ARNT2: variants seen among roughly 807,000 people sequenced by gnomAD.
ARNT2 encodes the protein aryl hydrocarbon receptor nuclear translocator 2, also known as ARNT protein 2.
Under a neutral mutation model 91.7 loss-of-function variants are expected in ARNT2, and 36 were observed. The observed-to-expected ratio is 0.39, with a 90% CI of 0.30 to 0.52. The LOEUF (loss-of-function observed/expected upper bound fraction) is 0.52. ARNT2 is among the 20% of genes least tolerant of loss of function. The pLI, the probability that ARNT2 is intolerant of heterozygous loss-of-function variation, is 0.72. For missense variants in ARNT2, 775 were observed against 939.3 expected (o/e 0.83, Z 2.29); for synonymous variants, 365 against 347.1 (o/e 1.05, Z -0.57).
intron 1 of ARNT2, among the ~76,000 whole-genome samples, chr15:80,412,543 G>A (rs1027115596): frequency 6.6e-6 from 1 of 152,010 alleles, no homozygotes; most frequent in African/African-American, 2.4e-5. Context: ...ATTATTTCGA[G>A]CATATTGCTT....
Position 80,595,024 on chromosome 15 carries a change from C to T in ARNT2, c.*1326C>T, listed in dbSNP as rs1222747136. ...ACTCTAGAATCTTCTGCCTGGCTGA[C>T]CTCTGAGCCCATGATCCCTGGCTTG... On this transcript the variant is annotated 3_prime_UTR_variant, in exon 19 of 19. Coordinates refer to ENST00000303329, the MANE Select transcript of ARNT2 (RefSeq NM_014862.4). 1 of 152,256 alleles carries T rather than the reference C, an allele frequency of 6.6e-6. No individual in the cohort carries two copies. Among genetic ancestry groups the T allele is most frequent in the East Asian group, 1.9e-4 (1 of 5,186 alleles). The allele number at this position is 152,256 out of a possible 1,614,324, so 9.4% of individuals were successfully genotyped here. A position where few individuals can be genotyped will look rare whatever the true frequency, so the allele number is the denominator to read the frequency against.
intron 1 of ARNT2, among the ~76,000 whole-genome samples, chr15:80,439,863 G>A (rs1331003252): frequency 6.6e-6 from 1 of 152,214 alleles, no homozygotes. Flanking sequence ...AGGCCAACAA[G>A]TTGTGTCTCA....
At chr15:80,574,811 C>T (rs940220967) in intron 13 of ARNT2, among the ~76,000 whole-genome samples, 176 bp from the exon 14 acceptor site, 2 of 152,192 alleles carry the variant, frequency 1.3e-5, no homozygotes, top group Non-Finnish European at 2.9e-5. Flanking sequence ...CCCTCACCGG[C>T]TTTTCTTGGC....
At position 80,555,106 on chromosome 15, in the gene ARNT2, G is replaced by A. The variant is rs1898155492; in HGVS notation, c.1131G>A (p.Glu377=). The change falls in exon 11 of 19, where the codon GAG becomes GAA. Residue 377 remains glutamate, a synonymous_variant. Coordinates refer to ENST00000303329, the MANE Select transcript of ARNT2 (RefSeq NM_014862.4). ...GKDILEFCHP[E]DQSHLRESFQ... is the part of the protein sequence containing the mutation. The stretch of plus-strand genomic sequence containing the variant: ...ACATTTTGGAATTCTGCCACCCTGA[G>A]GATCAAAGCCATCTGCGTGAGAGCT... 6.2e-7 allele frequency: 1 copy of A among 1,614,100 alleles called. No individual in the cohort carries two copies. Among genetic ancestry groups the A allele is most frequent in the African/African-American group, 1.3e-5 (1 of 74,940 alleles).
In ARNT2 at chr15:80,593,851, G is replaced by A. The variant is rs1187194704; in HGVS notation, c.*153G>A. ...GCTGTGTGTCCCCAGGCGCATCATT[G>A]CTCCACTCTCCCCTGCAGCCGCGGC... On this transcript the variant is annotated 3_prime_UTR_variant, in exon 19 of 19. Coordinates refer to ENST00000303329, the MANE Select transcript of ARNT2 (RefSeq NM_014862.4). 3 of 656,762 alleles carry A rather than the reference G, an allele frequency of 4.6e-6. No homozygotes were observed. Among genetic ancestry groups the A allele is most frequent in the Non-Finnish European group, 7.9e-6 (3 of 381,428 alleles). The allele number at this position is 656,762 out of a possible 1,614,324, so 40.7% of individuals were successfully genotyped here. A position where few individuals can be genotyped will look rare whatever the true frequency, so the allele number is the denominator to read the frequency against.
intron 1 of ARNT2, among the ~76,000 whole-genome samples, chr15:80,405,857 T>G (rs1039905864): frequency 3.3e-5 from 5 of 151,454 alleles, no homozygotes; most frequent in African/African-American, 1.2e-4. Flanking sequence ...TCTGCACACT[T>G]CCTAAGAACC....
chr15:80,466,843 A>C (rs541175176), intron 3 of ARNT2, among the ~76,000 whole-genome samples: 1 of 152,370 alleles, frequency 6.6e-6, no homozygotes, highest in East Asian at 1.9e-4. Flanking sequence ...CAATAAATAC[A>C]ATCAGTTTTT....
intron 11 of ARNT2, chr15:80,556,421 A>G (rs1482037702): frequency 2.0e-5 from 3 of 152,424 alleles, no homozygotes; most frequent in African/African-American, 7.2e-5. Flanking sequence ...AAATAACTGG[A>G]AACAAAGACA....
At chr15:80,574,762 C>G (rs1162077903) in intron 13 of ARNT2, among the ~76,000 whole-genome samples, 2 of 152,190 alleles carry the variant, frequency 1.3e-5, no homozygotes, top group Non-Finnish European at 2.9e-5. Context: ...TGTGACTCTG[C>G]TGTCCTTCCT....
intron 8 of ARNT2, among the ~76,000 whole-genome samples, chr15:80,523,008 T>C (rs1437143831): frequency 6.6e-6 from 1 of 152,024 alleles, no homozygotes; most frequent in Admixed American, 6.6e-5. Flanking sequence ...TTGACAGTGT[T>C]CTAGAATTTC....
intron 1 of ARNT2, among the ~76,000 whole-genome samples, chr15:80,437,615 CT>C (rs1896109029): frequency 6.6e-6 from 1 of 152,208 alleles, no homozygotes; most frequent in African/African-American, 2.4e-5. Context: ...CCTTTTCCCC[CT>C]TTCATCACCT....
chr15:80,460,730 G>C (rs1164850948), intron 3 of ARNT2, among the ~76,000 whole-genome samples: 1 of 152,238 alleles, frequency 6.6e-6, no homozygotes, highest in Non-Finnish European at 1.5e-5. Flanking sequence ...AGATGCGTGA[G>C]AACAACTCTT....
chr15:80,434,463 C>T (rs2141571952), intron 1 of ARNT2: 1 of 152,372 alleles, frequency 6.6e-6, no homozygotes, highest in South Asian at 2.1e-4. Flanking sequence ...CATATTACAC[C>T]TAGAAACTTG....
rs79685127 is a variant in ARNT2 at position 80,470,202 on chromosome 15, C to T, written c.195-16C>T. 3.4e-3 allele frequency: 5,494 copies of T among 1,610,554 alleles called. 120 individuals are homozygous for T. In the East Asian group the frequency reaches 0.045, roughly 13 times the overall value. ...CTCTTTTTTCCCCCTCTCCTGATCT[C>T]GTGCTTTCTGGAAAGAGAGAATCAT... On this transcript the variant is annotated splice_polypyrimidine_tract_variant and intron_variant, in intron 3 of 18. Transcript: ENST00000303329.
At chr15:80,551,937 C>T (rs1192938926) in intron 9 of ARNT2, among the ~76,000 whole-genome samples, 1 of 152,194 alleles carries the variant, frequency 6.6e-6, no homozygotes, top group Non-Finnish European at 1.5e-5. Context: ...TCCCCGCAAG[C>T]TCCTCAAGGC....
chr15:80,416,828 A>G (rs1017806207), intron 1 of ARNT2, among the ~76,000 whole-genome samples: 18 of 152,212 alleles, frequency 1.2e-4, no homozygotes, highest in African/African-American at 4.1e-4. Flanking sequence ...ACTTTTAACA[A>G]TCATTTAAAA....
chr15:80,537,076 A>C (rs986676831), intron 8 of ARNT2, among the ~76,000 whole-genome samples: 4 of 151,812 alleles, frequency 2.6e-5, no homozygotes, highest in Non-Finnish European at 5.9e-5. Flanking sequence ...AGCCCAGAGC[A>C]CTCTTTTCGC....
chr15:80,573,048 G>A (rs1001835450), intron 12 of ARNT2, among the ~76,000 whole-genome samples: 9 of 152,178 alleles, frequency 5.9e-5, no homozygotes, highest in East Asian at 1.9e-4. Context: ...ACCTGGGAGC[G>A]TGTGAGCAAG....
chr15:80,579,510 T>C (rs996804071), intron 15 of ARNT2, among the ~76,000 whole-genome samples: 9 of 152,196 alleles, frequency 5.9e-5, no homozygotes, highest in African/African-American at 1.9e-4. Flanking sequence ...TGCCTTTTTT[T>C]TAACACGGAG....
Sources: allele counts gnomAD v4.1 joint callset (sites outside exome capture counted in the v4.1 genomes callset), GRCh38; gene constraint gnomAD v4.1.1; transcripts MANE v1.5; gene names NCBI Gene and HGNC (gene_info 2026-07-23, HGNC 2026-07-21).